A2ML1: variants seen among roughly 807,000 people sequenced by gnomAD.
A2ML1 encodes alpha-2-macroglobulin-like protein 1.
A neutral mutation model predicts 181.9 loss-of-function variants in A2ML1; 161 were observed. That is an observed-to-expected ratio of 0.89 (90% CI 0.78 to 1.01). A2ML1 has a LOEUF of 1.01. Among genes scored for constraint, A2ML1 ranks in the 50% least tolerant of loss-of-function variants. The pLI, the probability that A2ML1 is intolerant of heterozygous loss-of-function variation, is 0.00. For missense variants in A2ML1, 1,670 were observed against 1,768.1 expected (o/e 0.94, Z 1.00); for synonymous variants, 663 against 666.8 (o/e 0.99, Z 0.09).
chr12:8,854,898 T>A, intron 22 of A2ML1, 67 bp downstream of exon 22: 1 of 1,259,160 alleles, frequency 7.9e-7, no homozygotes, highest in Non-Finnish European at 1.1e-6. Flanking sequence ...TTCTTTTCAT[T>A]TTTTTTTTTT....
chr12:8,864,089 G>C (rs1284456936), intron 29 of A2ML1, 81 bp downstream of exon 29: 5 of 1,321,298 alleles, frequency 3.8e-6, no homozygotes, highest in East Asian at 4.7e-5. Context: ...TATTGTCCTT[G>C]CCTTCTCGGT....
chr12:8,861,194 C>T lies in A2ML1; in HGVS notation c.3399C>T (p.Asn1133=), dbSNP rs751262745. The stretch of plus-strand genomic sequence containing the variant: ...AGAATTCGGCCACCTCCACGACCAA[C>T]CTCTACACACAGGCCCTGTTGGCTT... ...CLKNSATSTT[N]LYTQALLAYI... Residue 1133 remains asparagine, a synonymous_variant, in exon 28 of 36, where the codon AAC becomes AAT. Transcript: ENST00000299698. 1.2e-6 allele frequency: 2 copies of T among 1,614,008 alleles called. No individual in the cohort carries two copies. The highest frequency in any genetic ancestry group is 2.2e-5 in the South Asian group (2 of 91,064).
intron 35 of A2ML1, 52 bp from the exon 36 acceptor site, chr12:8,876,006 C>T (rs760173856): frequency 6.6e-6 from 1 of 152,194 alleles, no homozygotes; most frequent in African/African-American, 2.4e-5. Context: ...ATGTAATGAG[C>T]TTCTGAGTAT....
intron 33 of A2ML1, among the ~76,000 whole-genome samples, chr12:8,871,891 G>C (rs1047169227): frequency 2.6e-5 from 4 of 151,770 alleles, no homozygotes; most frequent in African/African-American, 7.3e-5. Flanking sequence ...TATTAAAACT[G>C]CTACCTGGCC....
chr12:8,868,635 A>G lies in A2ML1; in HGVS notation c.4152+8A>G, dbSNP rs747413216. 6.2e-7 allele frequency: 1 copy of G among 1,610,562 alleles called. No homozygotes were observed. The highest frequency in any genetic ancestry group is 8.5e-7 in the Non-Finnish European group (1 of 1,178,862). ...GAGGGCACCAATCAGTTAGTAAGTT[A>G]CTTCTGTTTTCTTCATTTATCTAGC... On this transcript the variant is annotated splice_region_variant and intron_variant, in intron 32 of 35. Coordinates refer to ENST00000299698, the MANE Select transcript of A2ML1 (RefSeq NM_144670.6).
intron 29 of A2ML1, among the ~76,000 whole-genome samples, chr12:8,867,126 G>T (rs769502338): frequency 1.9e-4 from 29 of 152,178 alleles, no homozygotes; most frequent in Admixed American, 6.5e-5. Flanking sequence ...TCATGTAGAA[G>T]ATCATTACAC....
chr12:8,852,150 C>T lies in A2ML1; in HGVS notation c.2464-60C>T, dbSNP rs890277068. 1.4e-5 allele frequency: 23 copies of T among 1,606,134 alleles called. No homozygotes were observed. The highest frequency in any genetic ancestry group is 1.8e-5 in the Non-Finnish European group (21 of 1,175,762). On this transcript the variant is annotated intron_variant, in intron 19 of 35. Coordinates refer to ENST00000299698, the MANE Select transcript of A2ML1 (RefSeq NM_144670.6). The surrounding 1 kb of genome is among the most constrained non-coding windows in gnomAD (Gnocchi z 4.2). ...CGGCGTCTCAGCCCCCAGGTTTCCCCAGGCCTCTATGCACTACCTCCTTTG... is the reference window on the plus strand; with the variant it reads ...CGGCGTCTCAGCCCCCAGGTTTCCCTAGGCCTCTATGCACTACCTCCTTTG...
intron 4 of A2ML1, among the ~76,000 whole-genome samples, chr12:8,832,454 C>G (rs1357270324): frequency 6.6e-6 from 1 of 152,152 alleles, no homozygotes; most frequent in Non-Finnish European, 1.5e-5. Context: ...GGGCTGTTAT[C>G]AATTTTGTTT....
intron 35 of A2ML1, 96 bp from the exon 36 acceptor site, chr12:8,875,962 G>A (rs866524032): frequency 6.6e-6 from 1 of 152,088 alleles, no homozygotes; most frequent in East Asian, 1.9e-4. Flanking sequence ...AGATTTTTTT[G>A]TATATATATA....
At chr12:8,861,790 T>C (rs1254194529) in intron 28 of A2ML1, among the ~76,000 whole-genome samples, 2 of 151,200 alleles carry the variant, frequency 1.3e-5, no homozygotes. Context: ...CCCGAGTTTC[T>C]CTCTTCTTGC....
intron 4 of A2ML1, 132 bp downstream of exon 4, chr12:8,829,911 T>A (rs1943056113): frequency 9.3e-7 from 1 of 1,070,390 alleles, no homozygotes; most frequent in Non-Finnish European, 1.4e-6. Context: ...GCTGTGTGCG[T>A]GGGACTGGAA....
chr12:8,865,844 A>G (rs1944407747), intron 29 of A2ML1, among the ~76,000 whole-genome samples: 2 of 152,236 alleles, frequency 1.3e-5, no homozygotes, highest in African/African-American at 4.8e-5. Context: ...AATATCTACC[A>G]TGTCCAAATC....
intron 1 of A2ML1, among the ~76,000 whole-genome samples, chr12:8,822,958 G>C (rs1346659287): frequency 1.3e-5 from 2 of 152,124 alleles, no homozygotes; most frequent in Non-Finnish European, 2.9e-5. Flanking sequence ...TTTCCTCCTT[G>C]GTGCTCTAGG....
intron 3 of A2ML1, among the ~76,000 whole-genome samples, chr12:8,825,266 T>C (rs117471059): frequency 0.041 from 6,202 of 152,310 alleles, 237 homozygotes; most frequent in Admixed American, 0.11. Context: ...TATTATTGTT[T>C]GTCTTTTGGA....
intron 16 of A2ML1, 66 bp from the exon 17 acceptor site, chr12:8,849,603 C>A: frequency 7.9e-7 from 1 of 1,273,394 alleles, no homozygotes; most frequent in Non-Finnish European, 1.1e-6. Context: ...GGTGGAATTC[C>A]TGGGCAGTAG....
chr12:8,833,944 T>TA (rs1193833020), intron 4 of A2ML1, among the ~76,000 whole-genome samples: 7 of 152,120 alleles, frequency 4.6e-5, no homozygotes, highest in Non-Finnish European at 8.8e-5. Flanking sequence ...GGCCCAAGAA[T>TA]AAAAAAATCA....
At chr12:8,868,659 G>A (rs1484469197) in intron 32 of A2ML1, 32 bp downstream of exon 32, 2 of 1,594,880 alleles carry the variant, frequency 1.3e-6, no homozygotes, top group East Asian at 4.5e-5. Flanking sequence ...CATTTATCTA[G>A]CTGTGAGGGG....
intron 23 of A2ML1, among the ~76,000 whole-genome samples, chr12:8,855,839 G>C (rs1260209954): frequency 6.6e-6 from 1 of 152,176 alleles, no homozygotes; most frequent in African/African-American, 2.4e-5. Context: ...GCTGATGCTT[G>C]ATTTTAGGTT....
In A2ML1 at chr12:8,858,106, C is replaced by T. The variant is rs754033985; in HGVS notation, c.3264+4C>T. On this transcript the variant is annotated splice_donor_region_variant and intron_variant, in intron 26 of 35. Transcript: ENST00000299698. ...TCTCCTTCACACAGCTATGAAGGTG[C>T]GGATCTGTCCAGGAGCCTGCAGCCA... 6.2e-6 allele frequency: 10 copies of T among 1,613,618 alleles called. No homozygotes were observed. Among genetic ancestry groups the T allele is most frequent in the Middle Eastern group, 1.7e-4 (1 of 6,026 alleles).
Sources: gnomAD v4.1 joint callset for allele counts (sites outside exome capture counted in the v4.1 genomes callset) on GRCh38, gnomAD v4.1.1 for gene constraint, Gnocchi (gnomAD v3.1) non-coding constraint, MANE v1.5 for transcripts, NCBI Gene and HGNC (gene_info 2026-07-23, HGNC 2026-07-21) for gene names.